Variants in ZFHX3 observed in about 807,000 individuals in gnomAD.
The protein encoded by ZFHX3 is zinc finger homeobox 3, also known as zinc finger homeobox protein 3.
ZFHX3 carries 42 observed loss-of-function variants against 279.1 expected under a neutral mutation model. The ratio of observed to expected loss-of-function variants is 0.15; its 90% CI spans 0.12 to 0.19. The LOEUF (loss-of-function observed/expected upper bound fraction) is 0.19, where lower values mean the gene tolerates loss of function less well. ZFHX3 is among the 10% of genes least tolerant of loss of function. The probability of loss-of-function intolerance (pLI) is 1.00; values close to 1 mark genes in which losing one functional copy is unlikely to be tolerated. For synonymous variants in ZFHX3, 2,293 were observed against 1,957.8 expected (o/e 1.17, Z -4.52); for missense variants, 4,981 against 4,754.0 (o/e 1.05, Z -1.40).
chr16:73,695,557 C>T (rs568032928), intron 1 of ZFHX3, among the ~76,000 whole-genome samples: 1 of 152,274 alleles, frequency 6.6e-6, no homozygotes, highest in African/African-American at 2.4e-5. Flanking sequence ...GCGTTGAGTC[C>T]AGGTCTTTCT....
At chr16:72,932,206 AG>A (rs1411486176) in intron 3 of ZFHX3, among the ~76,000 whole-genome samples, 2 of 152,196 alleles carry the variant, frequency 1.3e-5, no homozygotes, top group Non-Finnish European at 2.9e-5. Context: ...TGATGCTTGC[AG>A]GAAGTCCTAT....
chr16:73,506,015 C>T (rs1458172714), intron 2 of ZFHX3, among the ~76,000 whole-genome samples: 1 of 152,230 alleles, frequency 6.6e-6, no homozygotes, highest in Non-Finnish European at 1.5e-5. Flanking sequence ...CAGGGGATCA[C>T]ACGACAGCGG....
At chr16:73,481,431 AC>A (rs1166838337) in intron 2 of ZFHX3, among the ~76,000 whole-genome samples, 2 of 152,014 alleles carry the variant, frequency 1.3e-5, no homozygotes, top group Non-Finnish European at 2.9e-5. Context: ...TTTTAGTATT[AC>A]TTTTTAATTA....
chr16:73,082,252 T>G (rs1965956294), intron 8 of ZFHX3, among the ~76,000 whole-genome samples: 1 of 152,046 alleles, frequency 6.6e-6, no homozygotes. Context: ...TGGTAACCTT[T>G]CTTTGAATGA....
At chr16:73,275,298 G>C (rs757796068) in intron 4 of ZFHX3, among the ~76,000 whole-genome samples, 2 of 152,132 alleles carry the variant, frequency 1.3e-5, no homozygotes, top group Non-Finnish European at 2.9e-5. Context: ...GTCAATGTGT[G>C]AATTTACCAT....
intron 1 of ZFHX3, among the ~76,000 whole-genome samples, chr16:73,003,677 G>A (rs1361808882): frequency 1.3e-5 from 2 of 152,146 alleles, no homozygotes; most frequent in Non-Finnish European, 2.9e-5. Context: ...CTGCACTCCA[G>A]CCTGGACGAA....
At chr16:73,084,303 ATTACTG>A (rs1965983673) in intron 8 of ZFHX3, among the ~76,000 whole-genome samples, 1 of 152,174 alleles carries the variant, frequency 6.6e-6, no homozygotes, top group African/African-American at 2.4e-5. Context: ...AAGTCAAATT[ATTACTG>A]TTTGTAGATG....
At chr16:73,177,055 A>G (rs1436717950) in intron 5 of ZFHX3, among the ~76,000 whole-genome samples, 1 of 152,120 alleles carries the variant, frequency 6.6e-6, no homozygotes, top group African/African-American at 2.4e-5. Flanking sequence ...AGACCAAAAT[A>G]CTCAATGACG....
chr16:73,407,107 A>C (rs1303913925), intron 3 of ZFHX3, among the ~76,000 whole-genome samples: 3 of 152,106 alleles, frequency 2.0e-5, no homozygotes, highest in African/African-American at 7.2e-5. Flanking sequence ...ACAACTTGGG[A>C]GTGCTAGAGA....
At position 73,539,815 on chromosome 16, in the gene ZFHX3, T is replaced by C. The variant is rs562794226; in HGVS notation, c.-1546-83557A>G. Among the ~76,000 whole-genome samples, 3 of 152,282 alleles carry C rather than the reference T, an allele frequency of 2.0e-5. No individual in the cohort carries two copies. In the South Asian group the frequency reaches 6.2e-4, roughly 32 times the overall value. ...CACTCCTATGCCAAAGCCCTCCAAA[T>C]GTTTTCGGCAAATAATACCCAAATA... On this transcript the variant is annotated intron_variant, in intron 2 of 17. Transcript: ENST00000641206.
intron 2 of ZFHX3, among the ~76,000 whole-genome samples, chr16:73,635,987 T>C (rs2052524136): frequency 1.3e-5 from 2 of 152,296 alleles, no homozygotes; most frequent in South Asian, 4.1e-4. Flanking sequence ...CATTTCCTCT[T>C]AGCATCACCA....
intron 4 of ZFHX3, among the ~76,000 whole-genome samples, chr16:73,315,401 TTACTA>T (rs1190724294): frequency 6.6e-6 from 1 of 152,160 alleles, no homozygotes; most frequent in Non-Finnish European, 1.5e-5. Context: ...ACCTTTTAGT[TTACTA>T]TACCTCTCGC....
intron 8 of ZFHX3, among the ~76,000 whole-genome samples, chr16:73,079,212 C>T (rs1055406673): frequency 1.3e-5 from 2 of 151,988 alleles, no homozygotes; most frequent in Non-Finnish European, 2.9e-5. Flanking sequence ...CCATCACTTT[C>T]ATATCTTTCT....
intron 2 of ZFHX3, among the ~76,000 whole-genome samples, chr16:73,469,751 G>A (rs1461343928): frequency 6.6e-6 from 1 of 152,038 alleles, no homozygotes; most frequent in Non-Finnish European, 1.5e-5. Flanking sequence ...CCAAGTAGCT[G>A]GGATTACAGG....
At chr16:73,889,213 T>C (rs941672694) in intron 1 of ZFHX3, among the ~76,000 whole-genome samples, 8 of 152,082 alleles carry the variant, frequency 5.3e-5, no homozygotes, top group Non-Finnish European at 7.4e-5. Context: ...TGGGGACAGA[T>C]GGGAATAAGG....
chr16:72,915,422 C>T (rs958588176), intron 3 of ZFHX3, among the ~76,000 whole-genome samples: 1 of 152,118 alleles, frequency 6.6e-6, no homozygotes, highest in Non-Finnish European at 1.5e-5. Context: ...GGCCTCTGCT[C>T]CAACCTGTCC....
chr16:73,367,766 C>A (rs1200442783), intron 3 of ZFHX3, among the ~76,000 whole-genome samples: 1 of 151,922 alleles, frequency 6.6e-6, no homozygotes, highest in African/African-American at 2.4e-5. Context: ...TTATGCAAGT[C>A]ATATGAGAAC....
At chr16:73,019,379 TGC>T (rs931360417) in intron 1 of ZFHX3, among the ~76,000 whole-genome samples, 19 of 150,308 alleles carry the variant, frequency 1.3e-4, no homozygotes, top group South Asian at 6.3e-4. Flanking sequence ...CGTGTGCGTG[TGC>T]GTGTCTGCAC....
intron 2 of ZFHX3, among the ~76,000 whole-genome samples, chr16:73,591,789 G>A (rs1168461621): frequency 6.8e-6 from 1 of 146,562 alleles, no homozygotes; most frequent in African/African-American, 2.5e-5. Flanking sequence ...ATCAATGAAT[G>A]TAATGGATGT....
Sources: gnomAD v4.1 joint callset for allele counts (sites outside exome capture counted in the v4.1 genomes callset) on GRCh38, gnomAD v4.1.1 for gene constraint, MANE v1.5 for transcripts, NCBI Gene and HGNC (gene_info 2026-07-23, HGNC 2026-07-21) for gene names.